The following TXNDC16 variants were observed in gnomAD, a reference collection of about 807,000 sequenced individuals.
The protein encoded by TXNDC16 is thioredoxin domain containing 16.
TXNDC16 carries 74 observed loss-of-function variants against 85.6 expected under a neutral mutation model. That is an observed-to-expected ratio of 0.86 (90% CI 0.72 to 1.05). The LOEUF is 1.05. Ranked by LOEUF, TXNDC16 falls within the 50% of genes least tolerant of loss-of-function variation. The probability of loss-of-function intolerance (pLI) is 0.00; values close to 1 mark genes in which losing one functional copy is unlikely to be tolerated. For synonymous variants in TXNDC16, 335 were observed against 326.5 expected (o/e 1.03, Z -0.28); for missense variants, 959 against 947.0 (o/e 1.01, Z -0.17).
intron 1 of TXNDC16, among the ~76,000 whole-genome samples, chr14:52,544,748 T>G (rs1470659725): frequency 6.6e-6 from 1 of 152,030 alleles, no homozygotes; most frequent in Non-Finnish European, 1.5e-5. Context: ...TCCTAATAAT[T>G]CTGTTCTTCA....
chr14:52,542,557 C>A, intron 3 of TXNDC16, 104 bp from the exon 4 acceptor site: 1 of 682,854 alleles, frequency 1.5e-6, no homozygotes, highest in Non-Finnish European at 2.5e-6. Flanking sequence ...TAGCATGCAA[C>A]AACAAATAAC....
In TXNDC16 at chr14:52,511,388, G is replaced by A; in HGVS notation, c.608C>T (p.Ser203Phe). Residue 203 changes from serine to phenylalanine, a missense_variant and splice_region_variant, in exon 9 of 21, where the codon TCT becomes TTT. Transcript: ENST00000281741. ...GAGATGTGCATATTCCACATCCTCA[G>A]AGCTACAAATTAAAAATTAATTAAC... Reference protein sequence around the residue: ...TEIALLESIGSEDVEYAHLYF... With the variant: ...TEIALLESIGFEDVEYAHLYF... 4 of 1,562,554 alleles carry A rather than the reference G, an allele frequency of 2.6e-6. No individual in the cohort carries two copies. The South Asian group carries it at 4.8e-5, about 19-fold the overall frequency.
chr14:52,458,451 G>A (rs2035582530), intron 16 of TXNDC16, among the ~76,000 whole-genome samples: 1 of 152,170 alleles, frequency 6.6e-6, no homozygotes, highest in Non-Finnish European at 1.5e-5. Flanking sequence ...CAGCTACTCA[G>A]GAGGCTGAGG....
intron 9 of TXNDC16, among the ~76,000 whole-genome samples, chr14:52,495,472 G>A (rs1458356488): frequency 6.6e-6 from 1 of 152,118 alleles, no homozygotes; most frequent in Non-Finnish European, 1.5e-5. Context: ...TCATTCTGTT[G>A]GTCAAGACAG....
intron 8 of TXNDC16, 22 bp downstream of exon 8, chr14:52,514,858 G>T: frequency 2.6e-6 from 4 of 1,529,302 alleles, no homozygotes; most frequent in South Asian, 1.2e-5. Context: ...TTAAATTGTT[G>T]ACATATGCTT....
intron 9 of TXNDC16, among the ~76,000 whole-genome samples, chr14:52,507,884 C>T (rs956311149): frequency 1.1e-4 from 17 of 152,176 alleles, no homozygotes; most frequent in African/African-American, 3.9e-4. Context: ...GAAACTGGAT[C>T]CCTTCCTTAT....
In TXNDC16 at chr14:52,455,254, T is replaced by A. The variant is rs1272594221; in HGVS notation, c.1842+70A>T. ...CCAGCAAAAAATGGAAAAATGTGTATGAACATATACTACCTTTGACTGATC... is the reference window on the plus strand; with the variant it reads ...CCAGCAAAAAATGGAAAAATGTGTAAGAACATATACTACCTTTGACTGATC... On this transcript the variant is annotated intron_variant, in intron 18 of 20. Coordinates refer to ENST00000281741, the MANE Select transcript of TXNDC16 (RefSeq NM_020784.3). 8 of 1,564,908 alleles carry A rather than the reference T, an allele frequency of 5.1e-6. No individual in the cohort carries two copies. In the Admixed American group the frequency reaches 1.4e-4, roughly 28 times the overall value.
intron 14 of TXNDC16, among the ~76,000 whole-genome samples, chr14:52,470,911 T>C (rs545898350): frequency 6.6e-6 from 1 of 152,290 alleles, no homozygotes; most frequent in South Asian, 2.1e-4. Flanking sequence ...CCAGTAGAGT[T>C]GGAGGTCCCT....
intron 19 of TXNDC16, among the ~76,000 whole-genome samples, chr14:52,440,041 C>T (rs1329567216): frequency 6.6e-6 from 1 of 152,090 alleles, no homozygotes. Flanking sequence ...ATGTACACTG[C>T]CCCATTTCTG....
intron 9 of TXNDC16, among the ~76,000 whole-genome samples, chr14:52,497,170 T>C (rs542619341): frequency 6.6e-6 from 1 of 152,258 alleles, no homozygotes; most frequent in South Asian, 2.1e-4. Context: ...TCAAAAATGA[T>C]ATAATAAACA....
intron 2 of TXNDC16, 138 bp from the exon 3 acceptor site, chr14:52,543,768 AG>A (rs1180349534): frequency 1.2e-5 from 6 of 494,314 alleles, no homozygotes; most frequent in African/African-American, 2.0e-5. Context: ...TAAAAATTTG[AG>A]GGGGGACAAT....
At chr14:52,519,729 A>G (rs939525423) in intron 6 of TXNDC16, among the ~76,000 whole-genome samples, 2 of 152,206 alleles carry the variant, frequency 1.3e-5, no homozygotes, top group African/African-American at 4.8e-5. Context: ...TCATGTTTAC[A>G]ACATTCTAGG....
intron 7 of TXNDC16, among the ~76,000 whole-genome samples, chr14:52,517,823 C>T (rs571260982): frequency 4.6e-5 from 7 of 152,184 alleles, no homozygotes; most frequent in Non-Finnish European, 8.8e-5. Flanking sequence ...GCCAGTGCCC[C>T]GTTTTTCTCC....
intron 18 of TXNDC16, 65 bp from the exon 19 acceptor site, chr14:52,440,789 G>C: frequency 1.4e-6 from 2 of 1,435,616 alleles, no homozygotes; most frequent in East Asian, 5.0e-5. Flanking sequence ...TACCACAGAA[G>C]ACATTCAAAT....
At chr14:52,548,793 A>C (rs1003882343) in intron 1 of TXNDC16, among the ~76,000 whole-genome samples, 1 of 152,114 alleles carries the variant, frequency 6.6e-6, no homozygotes, top group Non-Finnish European at 1.5e-5. Flanking sequence ...GAGGCAGGAG[A>C]ATCACTTTAA....
chr14:52,455,442 C>T lies in TXNDC16; in HGVS notation c.1724G>A (p.Ser575Asn). The part of the protein sequence containing the change: ...VLLLSTKYAA[S>N]LPALLLARHT... The stretch of plus-strand genomic sequence containing the variant: ...TCTGGCAAGCAGCAGGGCTGGAAGA[C>T]TTGCAGCATATTTGGTTGACCTATG... The change falls in exon 18 of 21, where the codon AGT (serine) becomes AAT (asparagine). Residue 575 changes from serine to asparagine, a missense_variant. By Grantham distance (46) the Ser-to-Asn change is conservative (BLOSUM62 1). Transcript: ENST00000281741. 1 of 1,613,956 alleles carries T rather than the reference C, an allele frequency of 6.2e-7. No homozygotes were observed. Among genetic ancestry groups the T allele is most frequent in the Non-Finnish European group, 8.5e-7 (1 of 1,179,920 alleles).
intron 9 of TXNDC16, among the ~76,000 whole-genome samples, chr14:52,510,775 C>T (rs1475629530): frequency 6.6e-6 from 1 of 152,210 alleles, no homozygotes; most frequent in Non-Finnish European, 1.5e-5. Context: ...GTCTCTACAA[C>T]ATTCTTTCAG....
chr14:52,486,664 G>A (rs906935477), intron 12 of TXNDC16, among the ~76,000 whole-genome samples: 4 of 151,922 alleles, frequency 2.6e-5, no homozygotes, highest in African/African-American at 7.3e-5. Flanking sequence ...CTTTGTAAAC[G>A]GGAGTGATAC....
At chr14:52,490,056 T>C (rs2036364244) in intron 11 of TXNDC16, among the ~76,000 whole-genome samples, 1 of 152,088 alleles carries the variant, frequency 6.6e-6, no homozygotes, top group South Asian at 2.1e-4. Context: ...CTTGCACTCC[T>C]GGGCTCAAGC....
Sources: gnomAD v4.1 joint callset for allele counts (sites outside exome capture counted in the v4.1 genomes callset) on GRCh38, gnomAD v4.1.1 for gene constraint, MANE v1.5 for transcripts, NCBI Gene and HGNC (gene_info 2026-07-23, HGNC 2026-07-21) for gene names.